GRIN2B: variants seen among roughly 807,000 people sequenced by gnomAD.
GRIN2B encodes the protein glutamate receptor ionotropic, NMDA 2B.
In GRIN2B, 5 loss-of-function variants were observed where a neutral mutation model predicts 114.5. That is an observed-to-expected ratio of 0.04 (90% CI 0.02 to 0.09). The LOEUF (loss-of-function observed/expected upper bound fraction) is 0.09. GRIN2B is among the 10% of genes least tolerant of loss of function. The probability of loss-of-function intolerance (pLI) is 1.00; values close to 1 mark genes in which losing one functional copy is unlikely to be tolerated. For missense variants in GRIN2B, 1,108 were observed against 1,943.5 expected, an observed-to-expected ratio of 0.57 and a Z score of 8.08; for synonymous variants, 787 against 745.1, an observed-to-expected ratio of 1.06 and a Z score of -0.92.
intron 4 of GRIN2B, among the ~76,000 whole-genome samples, chr12:13,750,493 T>C (rs1863464060): frequency 1.3e-5 from 2 of 152,242 alleles, no homozygotes; most frequent in South Asian, 4.1e-4. Flanking sequence ...TTATGAGCTT[T>C]AAGGTAACAT....
chr12:13,687,932 G>A (rs992151958), intron 4 of GRIN2B, among the ~76,000 whole-genome samples: 1 of 152,156 alleles, frequency 6.6e-6, no homozygotes, highest in African/African-American at 2.4e-5. Flanking sequence ...TTGCTTGGAA[G>A]TCTTATTTCT....
At chr12:13,837,099 C>T (rs1386812075) in intron 3 of GRIN2B, among the ~76,000 whole-genome samples, 1 of 152,190 alleles carries the variant, frequency 6.6e-6, no homozygotes, top group African/African-American at 2.4e-5. Flanking sequence ...CTCTCTGAAA[C>T]TTTCCATTCC....
intron 5 of GRIN2B, among the ~76,000 whole-genome samples, chr12:13,661,214 G>A (rs915919030): frequency 2.0e-5 from 3 of 152,134 alleles, no homozygotes; most frequent in Non-Finnish European, 4.4e-5. Flanking sequence ...TGCCTGTGAA[G>A]CCATTCCGGG....
chr12:13,800,150 A>G (rs1485469759), intron 3 of GRIN2B, among the ~76,000 whole-genome samples: 1 of 152,136 alleles, frequency 6.6e-6, no homozygotes, highest in East Asian at 1.9e-4. Context: ...ACATTCCCTT[A>G]AAGACCATTC....
At chr12:13,908,830 A>G (rs1023050861) in intron 2 of GRIN2B, among the ~76,000 whole-genome samples, 1 of 152,204 alleles carries the variant, frequency 6.6e-6, no homozygotes, top group Non-Finnish European at 1.5e-5. Context: ...ACACCAGTAT[A>G]TTCAGTGATT....
intron 3 of GRIN2B, among the ~76,000 whole-genome samples, chr12:13,784,419 A>G (rs1043950071): frequency 3.9e-5 from 6 of 152,014 alleles, no homozygotes; most frequent in South Asian, 2.1e-4. Flanking sequence ...GAGTCCCCAC[A>G]TGACAATTTG....
intron 3 of GRIN2B, among the ~76,000 whole-genome samples, chr12:13,839,939 T>A (rs1394844439): frequency 6.6e-6 from 1 of 152,218 alleles, no homozygotes; most frequent in African/African-American, 2.4e-5. Context: ...TATGCATGTA[T>A]ATTTATCCCA....
At chr12:13,621,818 T>C (rs895777116) in intron 5 of GRIN2B, among the ~76,000 whole-genome samples, 1 of 152,028 alleles carries the variant, frequency 6.6e-6, no homozygotes, top group Non-Finnish European at 1.5e-5. Context: ...TAATCTGTAA[T>C]GCTTTTAGAC....
intron 11 of GRIN2B, 133 bp downstream of exon 11, chr12:13,571,671 A>C: frequency 1.1e-6 from 1 of 945,388 alleles, no homozygotes; most frequent in East Asian, 2.4e-5. Context: ...TTGGAAATCC[A>C]TAAAGAGCAA....
intron 10 of GRIN2B, among the ~76,000 whole-genome samples, chr12:13,585,300 A>T (rs1948903838): frequency 6.6e-6 from 1 of 152,124 alleles, no homozygotes; most frequent in Non-Finnish European, 1.5e-5. Flanking sequence ...GTGAGTGAGG[A>T]TCCAGTGACA....
At chr12:13,631,597 G>A (rs1949616174) in intron 5 of GRIN2B, among the ~76,000 whole-genome samples, 1 of 152,182 alleles carries the variant, frequency 6.6e-6, no homozygotes, top group Non-Finnish European at 1.5e-5. Flanking sequence ...CTAAGTGGTA[G>A]GTTTTGCAGG....
At chr12:13,916,916 A>G (rs1464889038) in intron 2 of GRIN2B, among the ~76,000 whole-genome samples, 4 of 152,036 alleles carry the variant, frequency 2.6e-5, no homozygotes, top group Non-Finnish European at 4.4e-5. Context: ...AAAAGTCAAG[A>G]AAGGCTTTAC....
chr12:13,865,449 T>A (rs1865811623), intron 3 of GRIN2B, among the ~76,000 whole-genome samples: 1 of 151,806 alleles, frequency 6.6e-6, no homozygotes, highest in Non-Finnish European at 1.5e-5. Flanking sequence ...CTGGTCAACA[T>A]GCTGAAGCCC....
rs1428760371 is a variant in GRIN2B, at chr12:13,546,404, A to T, written c.*16379T>A. On this transcript the variant is annotated 3_prime_UTR_variant, in exon 14 of 14. Transcript: ENST00000609686. ...CCATTTCTGAGCCATCAATGGCAGCACAGCCTCTCCTTCTGCCAGAGCTCA... is the reference window on the plus strand; with the variant it reads ...CCATTTCTGAGCCATCAATGGCAGCTCAGCCTCTCCTTCTGCCAGAGCTCA... 6.6e-6 allele frequency: 1 copy of T among 152,266 alleles called. No individual in the cohort carries two copies. Among genetic ancestry groups the T allele is most frequent in the Admixed American group, 6.5e-5 (1 of 15,290 alleles). 9.4% of individuals were successfully genotyped at this position (152,266 alleles called of 1,614,324 possible). A position where few individuals can be genotyped will look rare whatever the true frequency, so the allele number is the denominator to read the frequency against.
chr12:13,569,575 G>A (rs1948682009), intron 12 of GRIN2B, among the ~76,000 whole-genome samples: 2 of 152,210 alleles, frequency 1.3e-5, no homozygotes, highest in African/African-American at 4.8e-5. Context: ...GATTGACCCT[G>A]CTGGCACTGT....
chr12:13,917,763 T>C (rs1189491427), intron 2 of GRIN2B, among the ~76,000 whole-genome samples: 1 of 152,240 alleles, frequency 6.6e-6, no homozygotes, highest in Non-Finnish European at 1.5e-5. Context: ...AATTTTTGGA[T>C]GAAAAACATT....
chr12:13,783,836 G>A (rs947155902), intron 3 of GRIN2B, among the ~76,000 whole-genome samples: 1 of 151,598 alleles, frequency 6.6e-6, no homozygotes, highest in African/African-American at 2.4e-5. Context: ...ATTAGCTGAG[G>A]AACTAGAAGA....
intron 3 of GRIN2B, among the ~76,000 whole-genome samples, chr12:13,758,564 T>G (rs1489858980): frequency 1.3e-5 from 2 of 152,230 alleles, no homozygotes; most frequent in Non-Finnish European, 1.5e-5. Context: ...TAAAATGGAA[T>G]GGGTCTCCTA....
intron 4 of GRIN2B, among the ~76,000 whole-genome samples, chr12:13,697,246 A>C (rs935571476): frequency 1.3e-5 from 2 of 152,182 alleles, no homozygotes; most frequent in African/African-American, 4.8e-5. Flanking sequence ...TCACTTTTTA[A>C]ATGTGCAACC....
Sources: allele counts gnomAD v4.1 joint callset (sites outside exome capture counted in the v4.1 genomes callset), GRCh38; gene constraint gnomAD v4.1.1; transcripts MANE v1.5; gene names NCBI Gene and HGNC (gene_info 2026-07-23, HGNC 2026-07-21).